The following CSMD1 variants were observed in gnomAD, a reference collection of about 807,000 sequenced individuals.
CSMD1 encodes the protein CUB and sushi domain-containing protein 1.
Under a neutral mutation model 417.5 loss-of-function variants are expected in CSMD1, and 213 were observed. The observed-to-expected ratio is 0.51, with a 90% CI of 0.46 to 0.57. CSMD1 has a LOEUF of 0.57. CSMD1 is among the 20% of genes least tolerant of loss of function. The pLI is 0.00. For missense variants in CSMD1, 6,923 were observed against 4,529.7 expected, an observed-to-expected ratio of 1.53 and a Z score of -15.17; for synonymous variants, 2,862 against 1,736.8, an observed-to-expected ratio of 1.65 and a Z score of -16.11.
chr8:3,906,200 A>G (rs540774575), intron 5 of CSMD1, among the ~76,000 whole-genome samples: 1 of 152,146 alleles, frequency 6.6e-6, no homozygotes. Flanking sequence ...GTGAATCACA[A>G]GTGCTTCATT....
At chr8:3,920,058 G>T (rs757044544) in intron 5 of CSMD1, among the ~76,000 whole-genome samples, 3 of 151,366 alleles carry the variant, frequency 2.0e-5, no homozygotes, top group Non-Finnish European at 4.4e-5. Context: ...CCCAAGACAA[G>T]ATCTCACTCC....
chr8:2,973,024 C>A (rs943531309), intron 57 of CSMD1, 93 bp downstream of exon 57: 2 of 1,224,900 alleles, frequency 1.6e-6, no homozygotes, highest in Non-Finnish European at 1.1e-6. Flanking sequence ...TAGTACAAAC[C>A]TCTAGAATTT....
At chr8:4,047,078 A>C (rs1798185859) in intron 3 of CSMD1, among the ~76,000 whole-genome samples, 1 of 152,190 alleles carries the variant, frequency 6.6e-6, no homozygotes, top group African/African-American at 2.4e-5. Flanking sequence ...TGTGGTCTTT[A>C]AAAATGGTCT....
intron 40 of CSMD1, among the ~76,000 whole-genome samples, chr8:3,144,302 G>A (rs1272276458): frequency 2.6e-5 from 4 of 152,060 alleles, no homozygotes; most frequent in African/African-American, 9.7e-5. Context: ...GACAAGAGCT[G>A]ACAGTCTCAT....
intron 1 of CSMD1, among the ~76,000 whole-genome samples, chr8:4,762,393 G>C (rs1365024474): frequency 6.6e-6 from 1 of 151,798 alleles, no homozygotes; most frequent in Non-Finnish European, 1.5e-5. Context: ...CATTTTATCG[G>C]TATTCTGAGC....
At chr8:4,048,361 T>C (rs1031801232) in intron 3 of CSMD1, among the ~76,000 whole-genome samples, 1 of 152,204 alleles carries the variant, frequency 6.6e-6, no homozygotes, top group Non-Finnish European at 1.5e-5. Flanking sequence ...ATATTCTTAA[T>C]AACAACAGCT....
At chr8:4,678,414 A>G (rs576466060) in intron 1 of CSMD1, among the ~76,000 whole-genome samples, 1 of 150,942 alleles carries the variant, frequency 6.6e-6, no homozygotes, top group East Asian at 1.9e-4. Context: ...CTGTCTCAAC[A>G]ACAAAAAAAA....
Position 3,409,615 on chromosome 8 carries a change from G to T in CSMD1, c.1562-10C>A. On this transcript the variant is annotated splice_polypyrimidine_tract_variant and intron_variant, in intron 12 of 69. Coordinates refer to ENST00000635120, the MANE Select transcript of CSMD1 (RefSeq NM_033225.6). ...CCTCCCTTTTCAATTTCTGAAAATG[G>T]AAAAACAAATGAACCCTTAAAAAAA... The T allele has an allele frequency of 6.4e-7, 1 of 1,564,132 alleles. No individual in the cohort carries two copies. Among genetic ancestry groups the T allele is most frequent in the East Asian group, 2.3e-5 (1 of 43,428 alleles).
chr8:3,825,843 G>C (rs1349529094), intron 5 of CSMD1, among the ~76,000 whole-genome samples: 1 of 152,174 alleles, frequency 6.6e-6, no homozygotes, highest in East Asian at 1.9e-4. Flanking sequence ...ATATGAAATA[G>C]ACATATAGAG....
chr8:3,177,646 G>A (rs1425121075), intron 37 of CSMD1, among the ~76,000 whole-genome samples: 4 of 152,046 alleles, frequency 2.6e-5, no homozygotes, highest in African/African-American at 7.2e-5. Flanking sequence ...AATGTGGGAA[G>A]AAATAATAAA....
chr8:3,376,778 T>C (rs11777727), intron 18 of CSMD1, among the ~76,000 whole-genome samples: 70,785 of 151,516 alleles, frequency 0.47, 16,712 homozygotes, highest in Middle Eastern at 0.48. Context: ...CATGTTGATA[T>C]ACAATATTAT....
At chr8:3,854,434 T>A (rs969652309) in intron 5 of CSMD1, among the ~76,000 whole-genome samples, 1 of 152,108 alleles carries the variant, frequency 6.6e-6, no homozygotes, top group Non-Finnish European at 1.5e-5. Context: ...TTTAAGAATA[T>A]CCAAACAGTA....
chr8:4,032,190 A>G, intron 3 of CSMD1, 91 bp from the exon 4 acceptor site: 2 of 885,120 alleles, frequency 2.3e-6, no homozygotes, highest in Non-Finnish European at 3.4e-6. Context: ...TTTTTGAATT[A>G]TTAAAATGAG....
At chr8:3,385,465 A>C (rs1484856033) in intron 18 of CSMD1, among the ~76,000 whole-genome samples, 1 of 151,868 alleles carries the variant, frequency 6.6e-6, no homozygotes, top group Non-Finnish European at 1.5e-5. Flanking sequence ...CTAAAAGTCA[A>C]CTATCTTCTC....
chr8:3,834,396 C>T (rs1338050865), intron 5 of CSMD1, among the ~76,000 whole-genome samples: 5 of 151,998 alleles, frequency 3.3e-5, no homozygotes, highest in African/African-American at 9.7e-5. Flanking sequence ...ATTGTGCCTG[C>T]ACAGTAAAAC....
intron 7 of CSMD1, among the ~76,000 whole-genome samples, chr8:3,706,679 A>T (rs1365195350): frequency 3.3e-5 from 5 of 152,156 alleles, no homozygotes; most frequent in Admixed American, 3.3e-4. Flanking sequence ...ATCCAACCTG[A>T]TATTGATTTA....
rs1008329830 is a variant in CSMD1, at chr8:4,080,534, C to G, written c.416-48435G>C. Among the ~76,000 whole-genome samples, 3 of 152,130 alleles carry G rather than the reference C, an allele frequency of 2.0e-5. No homozygotes were observed. In the East Asian group the frequency reaches 5.8e-4, roughly 29 times the overall value. Reference sequence around the variant, plus strand: ...AAGATACTGATCAAGACTGTCTTGTCCAACACATAGGTTTCTCCAGAAGAT... The same window carrying G: ...AAGATACTGATCAAGACTGTCTTGTGCAACACATAGGTTTCTCCAGAAGAT... On this transcript the variant is annotated intron_variant, in intron 3 of 69. Coordinates refer to ENST00000635120, the MANE Select transcript of CSMD1 (RefSeq NM_033225.6).
chr8:3,252,214 T>G (rs1003338885), intron 26 of CSMD1, among the ~76,000 whole-genome samples: 1 of 152,218 alleles, frequency 6.6e-6, no homozygotes, highest in African/African-American at 2.4e-5. Context: ...TAGATAGCTC[T>G]TATTATTTTG....
intron 23 of CSMD1, among the ~76,000 whole-genome samples, chr8:3,340,077 A>G (rs560629743): frequency 6.6e-6 from 1 of 152,330 alleles, no homozygotes; most frequent in East Asian, 1.9e-4. Flanking sequence ...GCATGTATCA[A>G]TATCGGTCAA....
Sources: allele counts gnomAD v4.1 joint callset (sites outside exome capture counted in the v4.1 genomes callset), GRCh38; gene constraint gnomAD v4.1.1; transcripts MANE v1.5; gene names NCBI Gene and HGNC (gene_info 2026-07-23, HGNC 2026-07-21).